AK8: variants seen among roughly 807,000 people sequenced by gnomAD.
AK8 encodes adenylate kinase 8.
A neutral mutation model predicts 54.6 loss-of-function variants in AK8; 44 were observed. The observed-to-expected ratio is 0.81, with a 90% CI of 0.63 to 1.04. The LOEUF (loss-of-function observed/expected upper bound fraction) is 1.04, where lower values mean the gene tolerates loss of function less well. Among genes scored for constraint, AK8 ranks in the 50% least tolerant of loss-of-function variants. The probability of loss-of-function intolerance (pLI) is 0.00; values close to 1 mark genes in which losing one functional copy is unlikely to be tolerated. For missense variants in AK8, 555 were observed against 613.6 expected (o/e 0.90, Z 1.01); for synonymous variants, 239 against 245.6 (o/e 0.97, Z 0.25).
chr9:132,812,878 G>GC (rs1564415428), intron 10 of AK8, among the ~76,000 whole-genome samples: 10 of 139,962 alleles, frequency 7.1e-5, no homozygotes, highest in South Asian at 2.4e-4. Context: ...TCACTGCCCT[G>GC]AGCCTACACA....
At chr9:132,818,745 G>C (rs1210673443) in intron 9 of AK8, among the ~76,000 whole-genome samples, 1 of 152,054 alleles carries the variant, frequency 6.6e-6, no homozygotes, top group East Asian at 1.9e-4. Flanking sequence ...TTCAGTGGGA[G>C]GCCGAGGCGG....
chr9:132,813,261 AC>A (rs1841161727), intron 10 of AK8, among the ~76,000 whole-genome samples: 1 of 151,744 alleles, frequency 6.6e-6, no homozygotes, highest in Non-Finnish European at 1.5e-5. Flanking sequence ...TACTCCACAC[AC>A]TTGAACTCCA....
chr9:132,812,932 CTG>C (rs1841134004), intron 10 of AK8, among the ~76,000 whole-genome samples: 1 of 124,902 alleles, frequency 8.0e-6, no homozygotes, highest in Non-Finnish European at 1.7e-5. Flanking sequence ...AGGACCAGAC[CTG>C]CTCACTGCCC....
intron 11 of AK8, among the ~76,000 whole-genome samples, chr9:132,729,216 C>T (rs1043237743): frequency 1.3e-5 from 2 of 152,166 alleles, no homozygotes; most frequent in Admixed American, 6.5e-5. Flanking sequence ...GGTTCTCCAC[C>T]AGGGGTGATT....
chr9:132,878,496 A>G (rs1275662937), upstream of AK8: 3 of 1,204,494 alleles, frequency 2.5e-6, no homozygotes, highest in Non-Finnish European at 3.1e-6. This position sits in a 1 kb window ranked among gnomAD's most constrained non-coding sequence, Gnocchi z 4.7. Context: ...AGCGGGGGAC[A>G]CCCTCAGGTG....
Position 132,744,551 on chromosome 9 carries a change from G to T in AK8, c.1122-17017C>A, listed in dbSNP as rs779938884. On this transcript the variant is annotated intron_variant, in intron 11 of 12. Transcript: ENST00000298545. ...AATCTCCCATTTTACAGACCGAAGG[G>T]GAAAAACATACCCTTTAGCCCTCTA... is the stretch of plus-strand genomic sequence containing the variant. Among the ~76,000 whole-genome samples, 7 of 152,216 alleles carry T rather than the reference G, an allele frequency of 4.6e-5. No homozygotes were observed. The South Asian group carries it at 6.2e-4, about 14-fold the overall frequency.
At chr9:132,859,841 GTTCCAGGGGCAGCGT>G (rs1265847358) in intron 4 of AK8, among the ~76,000 whole-genome samples, 2 of 152,174 alleles carry the variant, frequency 1.3e-5, no homozygotes, top group African/African-American at 4.8e-5. Context: ...TCGGGCTGGG[GTTCCAGGGGCAGCGT>G]TTCAGGGGAA....
chr9:132,829,030 C>T (rs897706629), intron 5 of AK8, among the ~76,000 whole-genome samples: 31 of 151,402 alleles, frequency 2.0e-4, no homozygotes, highest in African/African-American at 7.3e-4. Flanking sequence ...AATCTCGGCA[C>T]ACTGCAACCT....
intron 11 of AK8, among the ~76,000 whole-genome samples, chr9:132,760,818 C>T (rs763383410): frequency 6.6e-6 from 1 of 152,064 alleles, no homozygotes; most frequent in South Asian, 2.1e-4. Context: ...TTGTCTTCAT[C>T]TATTGAAATA....
At chr9:132,876,763 GGGA>G (rs1460470532) in intron 1 of AK8, among the ~76,000 whole-genome samples, 2 of 152,154 alleles carry the variant, frequency 1.3e-5, no homozygotes, top group Non-Finnish European at 2.9e-5. Flanking sequence ...AAAACATGGA[GGGA>G]ATCCACAGAT....
At chr9:132,766,583 T>C (rs1838734086) in intron 11 of AK8, among the ~76,000 whole-genome samples, 1 of 152,092 alleles carries the variant, frequency 6.6e-6, no homozygotes, top group Non-Finnish European at 1.5e-5. Flanking sequence ...AAAAGCAATC[T>C]ACAGATTCAA....
At chr9:132,819,260 A>G (rs1333526873) in intron 9 of AK8, among the ~76,000 whole-genome samples, 1 of 152,224 alleles carries the variant, frequency 6.6e-6, no homozygotes, top group East Asian at 1.9e-4. Context: ...GTTGCATAGC[A>G]TTTACATTAT....
intron 4 of AK8, among the ~76,000 whole-genome samples, chr9:132,863,200 T>C (rs1161954861): frequency 6.6e-6 from 1 of 152,222 alleles, no homozygotes; most frequent in African/African-American, 2.4e-5. Flanking sequence ...TGCCCAAGGC[T>C]ATGGGAGGGA....
intron 11 of AK8, among the ~76,000 whole-genome samples, chr9:132,750,576 C>G (rs991000321): frequency 6.6e-6 from 1 of 151,924 alleles, no homozygotes; most frequent in Non-Finnish European, 1.5e-5. Flanking sequence ...AGGAAAACCA[C>G]GCTTTCTTCT....
intron 11 of AK8, among the ~76,000 whole-genome samples, chr9:132,780,368 G>C (rs562678451): frequency 6.6e-6 from 1 of 152,204 alleles, no homozygotes; most frequent in African/African-American, 2.4e-5. Context: ...TGTGCCTGGG[G>C]GTGGGTGTCT....
chr9:132,767,657 C>T (rs951680990), intron 11 of AK8, among the ~76,000 whole-genome samples: 1 of 152,174 alleles, frequency 6.6e-6, no homozygotes, highest in Non-Finnish European at 1.5e-5. Flanking sequence ...TCTGCATGCC[C>T]ATGTTTACTG....
chr9:132,726,662 C>T (rs1590156300), intron 12 of AK8, among the ~76,000 whole-genome samples: 2 of 152,162 alleles, frequency 1.3e-5, no homozygotes, highest in Admixed American at 6.5e-5. Flanking sequence ...GCAGGACAGG[C>T]GCTGGCTCTG....
At chr9:132,755,029 C>T (rs1404103996) in intron 11 of AK8, among the ~76,000 whole-genome samples, 6 of 152,104 alleles carry the variant, frequency 3.9e-5, no homozygotes, top group African/African-American at 1.4e-4. Flanking sequence ...GAACTCCTGA[C>T]CTCAGGTAAT....
chr9:132,789,597 C>CAAAAAAAAAAAAAAAAAAA (rs578003731), intron 11 of AK8, among the ~76,000 whole-genome samples: 1 of 57,554 alleles, frequency 1.7e-5, no homozygotes, highest in African/African-American at 6.4e-5. Flanking sequence ...ACTCATCTCA[C>CAAAAAAAAAAAAAAAAAAA]AAAAAAAAAA....
Sources: gnomAD v4.1 joint callset for allele counts (sites outside exome capture counted in the v4.1 genomes callset) on GRCh38, gnomAD v4.1.1 for gene constraint, Gnocchi (gnomAD v3.1) non-coding constraint, MANE v1.5 for transcripts, NCBI Gene and HGNC (gene_info 2026-07-23, HGNC 2026-07-21) for gene names.